The following SLIT2 variants were observed in gnomAD, a reference collection of about 807,000 sequenced individuals.
SLIT2 encodes the protein slit homolog 2 protein.
SLIT2 carries 41 observed loss-of-function variants against 185.7 expected under a neutral mutation model. The ratio of observed to expected loss-of-function variants is 0.22; its 90% CI spans 0.17 to 0.29. SLIT2 has a LOEUF of 0.29. SLIT2 is among the 10% of genes least tolerant of loss of function. The pLI is 1.00. For synonymous variants in SLIT2, 693 were observed against 680.2 expected (o/e 1.02, Z -0.29); for missense variants, 1,571 against 1,909.0 (o/e 0.82, Z 3.30).
chr4:20,272,515 A>T (rs375278820), intron 4 of SLIT2, among the ~76,000 whole-genome samples: 7 of 152,130 alleles, frequency 4.6e-5, no homozygotes, highest in East Asian at 3.9e-4. Flanking sequence ...GTGTAACCTT[A>T]AAAGAGGCTT....
intron 4 of SLIT2, chr4:20,392,247 G>A (rs564324283): frequency 2.0e-5 from 3 of 152,090 alleles, no homozygotes; most frequent in African/African-American, 7.2e-5. Context: ...AATACTGTAG[G>A]CAATTTTAAC....
intron 9 of SLIT2, among the ~76,000 whole-genome samples, chr4:20,495,931 A>T (rs1718190599): frequency 6.6e-6 from 1 of 152,206 alleles, no homozygotes; most frequent in Non-Finnish European, 1.5e-5. Context: ...AAATATCTTT[A>T]TAGATGGCAG....
chr4:20,465,537 T>A (rs1444801444), intron 4 of SLIT2, among the ~76,000 whole-genome samples: 1 of 152,166 alleles, frequency 6.6e-6, no homozygotes, highest in Non-Finnish European at 1.5e-5. Flanking sequence ...TGGAGCCATC[T>A]ACTCAGGGGA....
At chr4:20,363,211 A>G (rs952020412) in intron 4 of SLIT2, among the ~76,000 whole-genome samples, 11 of 152,158 alleles carry the variant, frequency 7.2e-5, no homozygotes, top group Non-Finnish European at 1.5e-4. Flanking sequence ...AATATTTGTG[A>G]TTTATGTCCT....
intron 4 of SLIT2, among the ~76,000 whole-genome samples, chr4:20,371,542 T>C (rs1041437370): frequency 1.3e-5 from 2 of 152,112 alleles, no homozygotes; most frequent in African/African-American, 4.8e-5. Flanking sequence ...TCCCATCTTT[T>C]CTTCAACAGT....
chr4:20,502,633 T>G lies in SLIT2; in HGVS notation c.915-7862T>G, dbSNP rs1270820417. On this transcript the variant is annotated intron_variant, in intron 9 of 36. Transcript: ENST00000504154. Reference sequence around the variant, plus strand: ...GCAGGTAGAGAACTTGAGGGCTTTTTTAGACATAAGAAGCTGCATGTGCAG... The same window carrying G: ...GCAGGTAGAGAACTTGAGGGCTTTTGTAGACATAAGAAGCTGCATGTGCAG... Among the ~76,000 whole-genome samples the G allele has an allele frequency of 2.6e-5, 4 of 152,242 alleles. 1 individual carries two copies. Among genetic ancestry groups the G allele is most frequent in the Admixed American group, 1.3e-4 (2 of 15,276 alleles).
intron 33 of SLIT2, 66 bp downstream of exon 33, chr4:20,598,461 A>G: frequency 6.4e-7 from 1 of 1,560,854 alleles, no homozygotes; most frequent in Non-Finnish European, 8.8e-7. Flanking sequence ...CTTCTCCTCT[A>G]TCATTTTATT....
intron 29 of SLIT2, among the ~76,000 whole-genome samples, chr4:20,569,650 T>G (rs1439879064): frequency 6.6e-6 from 1 of 152,126 alleles, no homozygotes; most frequent in Non-Finnish European, 1.5e-5. Context: ...TGATTTTTTA[T>G]TTTTATTTTT....
intron 26 of SLIT2, among the ~76,000 whole-genome samples, chr4:20,564,877 T>C (rs995610738): frequency 2.6e-5 from 4 of 151,872 alleles, no homozygotes; most frequent in African/African-American, 7.2e-5. Context: ...TAATTATCGC[T>C]GTGGAAAACC....
intron 4 of SLIT2, among the ~76,000 whole-genome samples, chr4:20,418,750 GA>G (rs1381887499): frequency 4.6e-5 from 7 of 152,088 alleles, no homozygotes; most frequent in African/African-American, 1.7e-4. Flanking sequence ...TTTAATTACT[GA>G]AAAGTCATTT....
intron 29 of SLIT2, among the ~76,000 whole-genome samples, chr4:20,578,404 T>C (rs953020967): frequency 1.3e-5 from 2 of 152,220 alleles, no homozygotes; most frequent in Non-Finnish European, 2.9e-5. Flanking sequence ...CAAATCTTTC[T>C]TGAGTTTGAC....
At chr4:20,567,111 C>A (rs1375311154) in intron 26 of SLIT2, 151 bp from the exon 27 acceptor site, 1 of 708,186 alleles carries the variant, frequency 1.4e-6, no homozygotes, top group Non-Finnish European at 2.3e-6. Context: ...TCGGAGGATG[C>A]TGATTTCTGG....
In SLIT2 at chr4:20,565,501, T is replaced by A. The variant is rs192537358; in HGVS notation, c.2726-1761T>A. On this transcript the variant is annotated intron_variant, in intron 26 of 36. Coordinates refer to ENST00000504154, the MANE Select transcript of SLIT2 (RefSeq NM_004787.4). ...TGCTTTCACTGTCACCATTCATTTC[T>A]GCAGTGTGCTGAACAGCTAAGTTTT... 6.0e-3 allele frequency among the ~76,000 whole-genome samples: 906 copies of A among 152,156 alleles called. 6 individuals are homozygous for A. Among genetic ancestry groups the A allele is most frequent in the Non-Finnish European group, 9.3e-3 (634 of 67,932 alleles).
At chr4:20,325,328 A>G (rs1421583860) in intron 4 of SLIT2, among the ~76,000 whole-genome samples, 1 of 141,990 alleles carries the variant, frequency 7.0e-6, no homozygotes, top group Non-Finnish European at 1.5e-5. Flanking sequence ...TTGGTGACCA[A>G]CTCTGAGCCA....
At chr4:20,365,292 G>A (rs1560356143) in intron 4 of SLIT2, among the ~76,000 whole-genome samples, 3 of 152,108 alleles carry the variant, frequency 2.0e-5, no homozygotes, top group Admixed American at 1.3e-4. Context: ...ATAAGAAAAA[G>A]TCCACAGGGA....
At chr4:20,518,075 ATG>A (rs1009269792) in intron 11 of SLIT2, among the ~76,000 whole-genome samples, 19 of 146,904 alleles carry the variant, frequency 1.3e-4, no homozygotes, top group African/African-American at 2.8e-4. Context: ...TTGTGCATAT[ATG>A]TGTGTGTATA....
intron 4 of SLIT2, among the ~76,000 whole-genome samples, chr4:20,273,524 C>T (rs1713850614): frequency 1.3e-5 from 2 of 151,852 alleles, no homozygotes; most frequent in South Asian, 4.1e-4. Context: ...CAAATAGTAA[C>T]TCTGGGACGG....
intron 26 of SLIT2, among the ~76,000 whole-genome samples, chr4:20,559,469 A>G (rs1238667482): frequency 1.3e-5 from 2 of 151,950 alleles, no homozygotes; most frequent in Non-Finnish European, 2.9e-5. Flanking sequence ...TTGTCAAGCT[A>G]TTTTGAAGTT....
chr4:20,298,068 G>A (rs1055975335), intron 4 of SLIT2, among the ~76,000 whole-genome samples: 2 of 151,640 alleles, frequency 1.3e-5, no homozygotes, highest in African/African-American at 4.8e-5. Context: ...CATAGTAATC[G>A]GTATCTTCTG....
Sources: allele counts gnomAD v4.1 joint callset (sites outside exome capture counted in the v4.1 genomes callset), GRCh38; gene constraint gnomAD v4.1.1; transcripts MANE v1.5; gene names NCBI Gene and HGNC (gene_info 2026-07-23, HGNC 2026-07-21).